IRAG1: variants seen among roughly 807,000 people sequenced by gnomAD.
The protein encoded by IRAG1 is IP3R-associated cGMP kinase substrate.
In IRAG1, 62 loss-of-function variants were observed where a neutral mutation model predicts 106.2. That is an observed-to-expected ratio of 0.58 (90% confidence interval 0.48 to 0.72). The LOEUF is 0.72. Among genes scored for constraint, IRAG1 ranks in the 30% least tolerant of loss-of-function variants. The pLI is 0.00. For missense variants in IRAG1, 1,064 were observed against 1,140.7 expected (o/e 0.93, Z 0.97); for synonymous variants, 462 against 443.9 (o/e 1.04, Z -0.51).
chr11:10,655,647 T>C (rs1033642763), intron 1 of IRAG1, among the ~76,000 whole-genome samples: 2 of 152,164 alleles, frequency 1.3e-5, no homozygotes, highest in African/African-American at 4.8e-5. Context: ...TGGGAGTCCC[T>C]GAAATCCTGG....
At chr11:10,625,038 C>T (rs1202117337) in intron 9 of IRAG1, among the ~76,000 whole-genome samples, 1 of 152,192 alleles carries the variant, frequency 6.6e-6, no homozygotes, top group African/African-American at 2.4e-5. Context: ...CATCAGCAGC[C>T]ACGCCCCAGC....
chr11:10,666,195 G>T (rs1859773318), intron 1 of IRAG1, among the ~76,000 whole-genome samples: 1 of 152,248 alleles, frequency 6.6e-6, no homozygotes, highest in African/African-American at 2.4e-5. Context: ...TAGCAGGAGA[G>T]AAACTGACAT....
rs1051059598 is a variant in IRAG1 at position 10,628,600 on chromosome 11, C to CA, written c.652+150_652+151insT. On this transcript the variant is annotated intron_variant, in intron 6 of 20. Coordinates refer to ENST00000423302, the MANE Select transcript of IRAG1 (RefSeq NM_130385.4). This position sits in a 1 kb window ranked among gnomAD's most constrained non-coding sequence, Gnocchi z 4.1. ...TCTGGGTGGCCCAGCAAATGCCCCC[C>CA]CTGGAGAGGGGTCTTGCTCTGGGTG... The CA allele has an allele frequency of 1.5e-6, 1 of 657,182 alleles. No individual in the cohort carries two copies. Among genetic ancestry groups the CA allele is most frequent in the African/African-American group, 1.9e-5 (1 of 53,602 alleles). 40.7% of individuals were successfully genotyped at this position (657,182 alleles called of 1,614,324 possible).
chr11:10,674,177 C>A (rs896164252), intron 1 of IRAG1, among the ~76,000 whole-genome samples: 1 of 152,166 alleles, frequency 6.6e-6, no homozygotes, highest in Non-Finnish European at 1.5e-5. Context: ...AGTAAGCAGG[C>A]AATTTGCAAG....
At chr11:10,687,965 T>C (rs1160092237) in intron 1 of IRAG1, among the ~76,000 whole-genome samples, 1 of 151,616 alleles carries the variant, frequency 6.6e-6, no homozygotes, top group Non-Finnish European at 1.5e-5. Context: ...TCTAAAATGC[T>C]CCAAAATGCA....
chr11:10,640,490 C>T (rs1303287480), intron 2 of IRAG1, among the ~76,000 whole-genome samples: 1 of 152,240 alleles, frequency 6.6e-6, no homozygotes, highest in Non-Finnish European at 1.5e-5. Flanking sequence ...GTTGAGCAAG[C>T]TCTGGGCAAC....
At chr11:10,683,307 G>GT (rs901722337) in intron 1 of IRAG1, among the ~76,000 whole-genome samples, 2 of 148,722 alleles carry the variant, frequency 1.3e-5, no homozygotes, top group Non-Finnish European at 3.0e-5. Context: ...TATTTATCTA[G>GT]TTTTAACCAA....
chr11:10,602,115 C>T (rs77229673), intron 14 of IRAG1, among the ~76,000 whole-genome samples: 9,544 of 152,284 alleles, frequency 0.063, 421 homozygotes, highest in African/African-American at 0.12. Flanking sequence ...AGAGTCCTCC[C>T]GTGTTGCTGC....
At chr11:10,609,061 T>C (rs1854721497) in intron 11 of IRAG1, among the ~76,000 whole-genome samples, 1 of 152,218 alleles carries the variant, frequency 6.6e-6, no homozygotes, top group Non-Finnish European at 1.5e-5. Flanking sequence ...CCAGCACCGT[T>C]TGTTAAAATT....
At chr11:10,602,268 C>T (rs183950478) in intron 14 of IRAG1, among the ~76,000 whole-genome samples, 42 of 152,332 alleles carry the variant, frequency 2.8e-4, no homozygotes, top group Non-Finnish European at 4.6e-4. Context: ...GGAACCTCCT[C>T]TCATGTAACC....
In IRAG1 at chr11:10,609,835, G is replaced by C. The variant is rs117946871; in HGVS notation, c.1464C>G (p.Leu488=). ...AEQEKGLPSE[L]SPAIEEEESK... ...ACTCTTCTTCCTCAATAGCTGGGGAGAGTTCAGAAGGAAGCCCTGAAAAAA... is the reference window on the plus strand; with the variant it reads ...ACTCTTCTTCCTCAATAGCTGGGGACAGTTCAGAAGGAAGCCCTGAAAAAA... The change falls in exon 11 of 21, where the codon CTC becomes CTG. Residue 488 remains leucine (L), a synonymous_variant. Coordinates refer to ENST00000423302, the MANE Select transcript of IRAG1 (RefSeq NM_130385.4). 2 of 1,613,778 alleles carry C rather than the reference G, an allele frequency of 1.2e-6. No homozygotes were observed. The highest frequency in any genetic ancestry group is 1.7e-6 in the Non-Finnish European group (2 of 1,179,856).
At chr11:10,683,995 T>G (rs1861468060) in intron 1 of IRAG1, among the ~76,000 whole-genome samples, 1 of 152,168 alleles carries the variant, frequency 6.6e-6, no homozygotes, top group South Asian at 2.1e-4. Flanking sequence ...CAATAGCTCA[T>G]GAATATGATT....
chr11:10,648,453 G>T (rs937868347), intron 2 of IRAG1, among the ~76,000 whole-genome samples: 6 of 152,202 alleles, frequency 3.9e-5, no homozygotes, highest in Non-Finnish European at 8.8e-5. Context: ...GGAATCTGGT[G>T]TTCAAAAAAT....
chr11:10,654,387 T>C (rs558810981), intron 1 of IRAG1, among the ~76,000 whole-genome samples: 1 of 152,342 alleles, frequency 6.6e-6, no homozygotes, highest in East Asian at 1.9e-4. Flanking sequence ...CCAGGATTGG[T>C]CAAGGTGACC....
intron 15 of IRAG1, chr11:10,600,045 T>G (rs898023589): frequency 3.3e-5 from 5 of 152,256 alleles, no homozygotes; most frequent in African/African-American, 1.2e-4. Flanking sequence ...ACAAACTGTT[T>G]GTTTCATCTT....
At chr11:10,650,457 G>A (rs1858384821) in intron 2 of IRAG1, among the ~76,000 whole-genome samples, 1 of 152,184 alleles carries the variant, frequency 6.6e-6, no homozygotes, top group Non-Finnish European at 1.5e-5. Flanking sequence ...GGATTTAAGA[G>A]CTACATTTTG....
chr11:10,669,641 G>C (rs1564936949), intron 1 of IRAG1, among the ~76,000 whole-genome samples: 1 of 152,220 alleles, frequency 6.6e-6, no homozygotes, highest in Non-Finnish European at 1.5e-5. Flanking sequence ...CCCGAGGCCA[G>C]ATGAAAAGCA....
intron 2 of IRAG1, among the ~76,000 whole-genome samples, chr11:10,638,746 T>A (rs1002605430): frequency 2.0e-5 from 3 of 152,132 alleles, no homozygotes; most frequent in East Asian, 1.9e-4. Context: ...CTGGCATGCA[T>A]TGATGAGGAT....
rs562340268 is a variant in IRAG1 at position 10,688,034 on chromosome 11, T to A, written c.67+5502A>T. On this transcript the variant is annotated intron_variant, in intron 1 of 20. Transcript: ENST00000423302. ...AAATGCTCACTGGAGCATTTCAGAT[T>A]TTGGATTTTTGGATTTGGGATGCTG... is the stretch of plus-strand genomic sequence containing the variant. 7.9e-5 allele frequency among the ~76,000 whole-genome samples: 12 copies of A among 152,042 alleles called. No individual in the cohort carries two copies. In the East Asian group the frequency reaches 1.9e-3, roughly 24 times the overall value.
Sources: allele counts gnomAD v4.1 joint callset (sites outside exome capture counted in the v4.1 genomes callset), GRCh38; gene constraint gnomAD v4.1.1; non-coding constraint Gnocchi (gnomAD v3.1); transcripts MANE v1.5; gene names NCBI Gene and HGNC (gene_info 2026-07-23, HGNC 2026-07-21).